The following DNAJC5 variants were observed in gnomAD, a reference collection of about 807,000 sequenced individuals.
DNAJC5 encodes DnaJ heat shock protein family (Hsp40) member C5.
In DNAJC5, 1 loss-of-function variant was observed where a neutral mutation model predicts 23.2. The observed-to-expected ratio is 0.04, with a 90% confidence interval of 0.02 to 0.20. The LOEUF (loss-of-function observed/expected upper bound fraction) is 0.20. Among genes scored for constraint, DNAJC5 ranks in the 10% least tolerant of loss-of-function variants. The probability of loss-of-function intolerance (pLI) is 1.00; values close to 1 mark genes in which losing one functional copy is unlikely to be tolerated. For missense variants in DNAJC5, 180 were observed against 267.0 expected (o/e 0.67, Z 2.27); for synonymous variants, 136 against 120.0 (o/e 1.13, Z -0.87).
intron 1 of DNAJC5, among the ~76,000 whole-genome samples, chr20:63,898,802 C>G (rs1265240427): frequency 6.6e-6 from 1 of 152,202 alleles, no homozygotes; most frequent in Non-Finnish European, 1.5e-5. Context: ...GATAGCACCA[C>G]TGCACTCCAG....
intron 1 of DNAJC5, among the ~76,000 whole-genome samples, chr20:63,924,780 A>G (rs1483531494): frequency 6.6e-6 from 1 of 152,218 alleles, no homozygotes; most frequent in Non-Finnish European, 1.5e-5. Flanking sequence ...CGGAGGTTGC[A>G]GTGAGTTGAT....
chr20:63,906,555 C>T (rs1216464214), intron 1 of DNAJC5, among the ~76,000 whole-genome samples: 5 of 151,808 alleles, frequency 3.3e-5, no homozygotes, highest in East Asian at 1.9e-4. Context: ...GAGGCCGAGA[C>T]GGGCAGATCA....
rs1029022671 is a variant in DNAJC5, at chr20:63,903,906, G to T, written c.-12+8583G>T. On this transcript the variant is annotated intron_variant, in intron 1 of 4. Coordinates refer to ENST00000360864, the MANE Select transcript of DNAJC5 (RefSeq NM_025219.3). ...TTTGAGACCAGCCTGGGTAACATGAGGAAACCCCATCTCTGCAGAAAATAC... is the reference window on the plus strand; with the variant it reads ...TTTGAGACCAGCCTGGGTAACATGATGAAACCCCATCTCTGCAGAAAATAC... Among the ~76,000 whole-genome samples, 4 of 152,112 alleles carry T rather than the reference G, an allele frequency of 2.6e-5. No individual in the cohort carries two copies. The East Asian group carries it at 7.7e-4, about 29-fold the overall frequency.
chr20:63,896,206 A>G (rs1314130752), intron 1 of DNAJC5, among the ~76,000 whole-genome samples: 1 of 152,210 alleles, frequency 6.6e-6, no homozygotes, highest in Non-Finnish European at 1.5e-5. Flanking sequence ...CTGAAGGCAA[A>G]AGTTTACTCA....
At chr20:63,901,268 G>A (rs537666447) in intron 1 of DNAJC5, among the ~76,000 whole-genome samples, 12 of 152,280 alleles carry the variant, frequency 7.9e-5, no homozygotes, top group South Asian at 2.1e-4. Context: ...CTCAATCTGC[G>A]TTCTGAGGCA....
intron 1 of DNAJC5, among the ~76,000 whole-genome samples, chr20:63,924,742 G>A (rs375769953): frequency 6.6e-6 from 1 of 152,208 alleles, no homozygotes; most frequent in Non-Finnish European, 1.5e-5. Context: ...CCGTGCCTGC[G>A]GCATGGGAAT....
At chr20:63,925,285 A>T (rs1406470354) in intron 1 of DNAJC5, among the ~76,000 whole-genome samples, 1 of 152,168 alleles carries the variant, frequency 6.6e-6, no homozygotes, top group Non-Finnish European at 1.5e-5. Flanking sequence ...GGAGTTCAAG[A>T]CCATCCTGGT....
chr20:63,917,922 C>G (rs577271047), intron 1 of DNAJC5, among the ~76,000 whole-genome samples: 6 of 152,316 alleles, frequency 3.9e-5, no homozygotes, highest in African/African-American at 1.4e-4. Context: ...CCTGTCTTCT[C>G]ACGCCTCAGT....
intron 1 of DNAJC5, among the ~76,000 whole-genome samples, chr20:63,905,817 C>T (rs112813285): frequency 0.086 from 13,052 of 151,662 alleles, 563 homozygotes; most frequent in East Asian, 0.12. Flanking sequence ...TCACTGCAAC[C>T]TCCGCCTCCT....
Position 63,910,683 on chromosome 20 carries a change from T to TTTTC in DNAJC5, c.-12+15363_-12+15364insCTTT, listed in dbSNP as rs1555877879. On this transcript the variant is annotated intron_variant, in intron 1 of 4. Coordinates refer to ENST00000360864, the MANE Select transcript of DNAJC5 (RefSeq NM_025219.3). The stretch of plus-strand genomic sequence containing the variant: ...GGGTTTTGAGAATGTTTTTTTTTTT[T>TTTTC]TTTAATTGAGACAGAGTCTGACTCT... 3.3e-4 allele frequency among the ~76,000 whole-genome samples: 50 copies of TTTTC among 151,008 alleles called. 1 individual carries two copies. The East Asian group carries it at 8.3e-3, about 25-fold the overall frequency.
intron 1 of DNAJC5, among the ~76,000 whole-genome samples, chr20:63,924,339 A>G (rs939593422): frequency 3.3e-5 from 5 of 152,148 alleles, no homozygotes; most frequent in African/African-American, 9.7e-5. Context: ...TATCTTTAGT[A>G]TCTTAGCAAT....
intron 1 of DNAJC5, among the ~76,000 whole-genome samples, chr20:63,925,471 G>A (rs895666153): frequency 3.3e-5 from 5 of 149,710 alleles, no homozygotes; most frequent in East Asian, 4.0e-4. Flanking sequence ...CAAACAGAGC[G>A]AGACTCCACC....
At chr20:63,899,802 C>T (rs1023293354) in intron 1 of DNAJC5, among the ~76,000 whole-genome samples, 18 of 150,870 alleles carry the variant, frequency 1.2e-4, no homozygotes, top group Non-Finnish European at 2.1e-4. Flanking sequence ...AGGATGGTCT[C>T]GATCTCCTGA....
chr20:63,909,497 C>T (rs1277439858), intron 1 of DNAJC5, among the ~76,000 whole-genome samples: 3 of 151,906 alleles, frequency 2.0e-5, no homozygotes, highest in Admixed American at 6.6e-5. Flanking sequence ...AGCGAGATTC[C>T]GTCTCAAAAA....
chr20:63,898,886 A>G (rs114307031), intron 1 of DNAJC5, among the ~76,000 whole-genome samples: 2,251 of 152,264 alleles, frequency 0.015, 65 homozygotes, highest in African/African-American at 0.052. Flanking sequence ...GGTGAGACTC[A>G]TCGTGATGTT....
intron 1 of DNAJC5, among the ~76,000 whole-genome samples, chr20:63,911,259 C>G (rs763631019): frequency 6.6e-6 from 1 of 152,164 alleles, no homozygotes; most frequent in Non-Finnish European, 1.5e-5. Context: ...TTTATAGTTT[C>G]AGGAAACCGT....
At chr20:63,909,865 A>G (rs192934435) in intron 1 of DNAJC5, among the ~76,000 whole-genome samples, 127 of 152,358 alleles carry the variant, frequency 8.3e-4, no homozygotes, top group African/African-American at 2.7e-3. Context: ...ACCAGACCAG[A>G]ATCCTGCGGA....
chr20:63,929,661 C>G lies in DNAJC5; in HGVS notation c.321+136C>G. 2.4e-6 allele frequency: 2 copies of G among 816,804 alleles called. No individual in the cohort carries two copies. The highest frequency in any genetic ancestry group is 4.0e-6 in the Non-Finnish European group (2 of 498,308). 50.6% of individuals were successfully genotyped at this position (816,804 alleles called of 1,614,324 possible). On this transcript the variant is annotated intron_variant, in intron 3 of 4. Coordinates refer to ENST00000360864, the MANE Select transcript of DNAJC5 (RefSeq NM_025219.3). This position sits in a 1 kb window ranked among gnomAD's most constrained non-coding sequence, Gnocchi z 8.6. ...GAGTCTCTCCTGCCGTGCGGGCACC[C>G]GAGTCTCTCCTGCCGTGCGGGCACC...
intron 1 of DNAJC5, among the ~76,000 whole-genome samples, chr20:63,918,821 C>T (rs1259730885): frequency 6.6e-6 from 1 of 152,208 alleles, no homozygotes; most frequent in African/African-American, 2.4e-5. Context: ...GTCTCGATCT[C>T]CTGACCTTGT....
Sources: gnomAD v4.1 joint callset for allele counts (sites outside exome capture counted in the v4.1 genomes callset) on GRCh38, gnomAD v4.1.1 for gene constraint, Gnocchi (gnomAD v3.1) non-coding constraint, MANE v1.5 for transcripts, NCBI Gene and HGNC (gene_info 2026-07-23, HGNC 2026-07-21) for gene names.